AOPEP: variants seen among roughly 807,000 people sequenced by gnomAD.
AOPEP encodes the protein aminopeptidase O (putative), also known as aminopeptidase O.
In AOPEP, 77 loss-of-function variants were observed where a neutral mutation model predicts 98.1. That is an observed-to-expected ratio of 0.78 (90% CI 0.65 to 0.95). The LOEUF (loss-of-function observed/expected upper bound fraction) is 0.95, where lower values mean the gene tolerates loss of function less well. Ranked by LOEUF, AOPEP falls within the 40% of genes least tolerant of loss-of-function variation. The probability of loss-of-function intolerance (pLI) is 0.00; values close to 1 mark genes in which losing one functional copy is unlikely to be tolerated. For missense variants in AOPEP, 1,024 were observed against 1,024.7 expected (o/e 1.00, Z 0.01); for synonymous variants, 346 against 365.3 (o/e 0.95, Z 0.60).
At chr9:94,810,955 A>C (rs1346521965) in intron 5 of AOPEP, among the ~76,000 whole-genome samples, 1 of 152,180 alleles carries the variant, frequency 6.6e-6, no homozygotes, top group African/African-American at 2.4e-5. Flanking sequence ...CCATCACTGA[A>C]GGCCTTCTTC....
intron 5 of AOPEP, among the ~76,000 whole-genome samples, chr9:94,815,813 A>G (rs1176453470): frequency 3.9e-5 from 6 of 152,134 alleles, no homozygotes; most frequent in Non-Finnish European, 4.4e-5. Context: ...TGGGCCTGCC[A>G]TCTATCCCAT....
chr9:94,924,271 T>C (rs2054000330), intron 6 of AOPEP, 96 bp downstream of exon 6: 2 of 1,032,638 alleles, frequency 1.9e-6, no homozygotes, highest in African/African-American at 1.7e-5. Flanking sequence ...GGGCCTACTA[T>C]GCACTAGGCA....
chr9:94,790,506 C>A (rs242259), intron 3 of AOPEP, among the ~76,000 whole-genome samples: 32,384 of 151,984 alleles, frequency 0.21, 4,961 homozygotes, highest in African/African-American at 0.43. Context: ...AAGAGTGGCC[C>A]TTCTGGTTCC....
intron 3 of AOPEP, among the ~76,000 whole-genome samples, chr9:94,783,044 G>C (rs950212746): frequency 6.6e-6 from 1 of 152,172 alleles, no homozygotes; most frequent in African/African-American, 2.4e-5. Context: ...AAGTTTACCT[G>C]TGACCACCTG....
In AOPEP at chr9:94,924,094, G is replaced by T; in HGVS notation, c.1473G>T (p.Gly491=). 6.6e-7 allele frequency: 1 copy of T among 1,516,696 alleles called. No individual in the cohort carries two copies. Among genetic ancestry groups the T allele is most frequent in the South Asian group, 1.3e-5 (1 of 79,132 alleles). 94.0% of individuals were successfully genotyped at this position (1,516,696 alleles called of 1,614,324 possible). ...IAHAWFGLAI[G]ARDWTEEWLS... ...ATGCCTGGTTTGGCCTAGCCATCGG[G>T]GCCCGAGACTGGACGGAGGAGTGGC... The change falls in exon 6 of 17, where the codon GGG becomes GGT. Residue 491 remains glycine, a synonymous_variant. Transcript: ENST00000375315.
intron 5 of AOPEP, among the ~76,000 whole-genome samples, chr9:94,870,840 C>T (rs1424330300): frequency 1.3e-5 from 2 of 152,200 alleles, no homozygotes; most frequent in Non-Finnish European, 2.9e-5. Flanking sequence ...TATAGACCTG[C>T]CTTTGGCTTC....
At chr9:94,754,347 G>A (rs1564070926) in intron 1 of AOPEP, among the ~76,000 whole-genome samples, 1 of 152,206 alleles carries the variant, frequency 6.6e-6, no homozygotes, top group Admixed American at 6.5e-5. Flanking sequence ...GCAGAAAGCT[G>A]TCATTCTCTG....
intron 1 of AOPEP, among the ~76,000 whole-genome samples, chr9:94,759,357 A>T (rs978255167): frequency 3.3e-5 from 5 of 152,244 alleles, no homozygotes; most frequent in African/African-American, 1.2e-4. Flanking sequence ...GCTGGGTTAC[A>T]CTTTTGCATA....
chr9:95,075,140 G>C (rs1161671243), intron 14 of AOPEP, among the ~76,000 whole-genome samples: 3 of 152,138 alleles, frequency 2.0e-5, no homozygotes, highest in Admixed American at 2.0e-4. Context: ...CTGCGGTCTG[G>C]GTCTGTGTAG....
chr9:95,027,463 A>G (rs1020963), intron 13 of AOPEP, among the ~76,000 whole-genome samples: 127,795 of 152,056 alleles, frequency 0.84, 54,101 homozygotes, highest in Non-Finnish European at 0.9. Flanking sequence ...TCTAAATTAA[A>G]TTTACTTTGA....
chr9:94,996,350 CTGTGTGTGTGTGTGTG>C (rs10608161), intron 11 of AOPEP, among the ~76,000 whole-genome samples: 15 of 141,868 alleles, frequency 1.1e-4, no homozygotes, highest in East Asian at 4.2e-4. Flanking sequence ...TTACTTGCCT[CTGTGTGTGTGTGTGTG>C]TGTGTGTGTG....
chr9:95,093,187 C>T, the AOPEP span, among the ~76,000 whole-genome samples: 2 of 152,164 alleles, frequency 1.3e-5, no homozygotes, highest in Admixed American at 6.6e-5. Flanking sequence ...TTGGTTTTAG[C>T]ACAGCTGAGG....
Position 94,955,170 on chromosome 9 carries a change from G to T in AOPEP, c.1662-7G>T. On this transcript the variant is annotated splice_polypyrimidine_tract_variant and splice_region_variant and intron_variant, in intron 7 of 16. Coordinates refer to ENST00000375315, the MANE Select transcript of AOPEP (RefSeq NM_001193329.3). ...TACTTAAATAAATTGTTACTAAATC[G>T]TTTTAGACCCAGTAAAGACAAAACT... 1.3e-6 allele frequency: 2 copies of T among 1,568,314 alleles called. No homozygotes were observed. The highest frequency in any genetic ancestry group is 8.8e-7 in the Non-Finnish European group (1 of 1,141,528).
At chr9:94,745,541 C>G (rs12553690) in intron 1 of AOPEP, among the ~76,000 whole-genome samples, 33,110 of 152,086 alleles carry the variant, frequency 0.22, 5,079 homozygotes, top group African/African-American at 0.43. Flanking sequence ...TCCCAAAGTG[C>G]TGGGATTACA....
intron 9 of AOPEP, 56 bp from the exon 10 acceptor site, chr9:94,967,702 C>A: frequency 6.8e-7 from 1 of 1,473,036 alleles, no homozygotes; most frequent in South Asian, 1.1e-5. Context: ...GGCATGGTTC[C>A]AGGCAGAGTT....
At chr9:94,887,752 C>T (rs2048400873) in intron 5 of AOPEP, among the ~76,000 whole-genome samples, 1 of 152,164 alleles carries the variant, frequency 6.6e-6, no homozygotes, top group Non-Finnish European at 1.5e-5. Flanking sequence ...GCAGACAGGA[C>T]AGATAGACCT....
chr9:95,046,245 ACT>A (rs2065858997), intron 13 of AOPEP, among the ~76,000 whole-genome samples: 1 of 152,196 alleles, frequency 6.6e-6, no homozygotes, highest in South Asian at 2.1e-4. Context: ...CCAAAGGCTT[ACT>A]CTCTACCTTT....
chr9:94,948,139 A>T (rs2057820889), intron 7 of AOPEP, among the ~76,000 whole-genome samples: 1 of 152,160 alleles, frequency 6.6e-6, no homozygotes, highest in African/African-American at 2.4e-5. Context: ...TTGACTGTGG[A>T]TGCTGTCAGT....
chr9:94,872,187 T>G (rs1344119126), intron 5 of AOPEP, among the ~76,000 whole-genome samples: 3 of 152,166 alleles, frequency 2.0e-5, no homozygotes, highest in Non-Finnish European at 4.4e-5. Flanking sequence ...ATCCTACAAG[T>G]GAGGCGTGTG....
Sources: allele counts gnomAD v4.1 joint callset (sites outside exome capture counted in the v4.1 genomes callset), GRCh38; gene constraint gnomAD v4.1.1; transcripts MANE v1.5; gene names NCBI Gene and HGNC (gene_info 2026-07-23, HGNC 2026-07-21).